UACA: variants seen among roughly 807,000 people sequenced by gnomAD.
The protein encoded by UACA is uveal autoantigen with coiled-coil domains and ankyrin repeats.
Under a neutral mutation model 160.5 loss-of-function variants are expected in UACA, and 112 were observed. The ratio of observed to expected loss-of-function variants is 0.70; its 90% CI spans 0.60 to 0.82. UACA has a LOEUF of 0.82. UACA is among the 40% of genes least tolerant of loss of function. UACA has a pLI of 0.00. For synonymous variants in UACA, 557 were observed against 568.4 expected (o/e 0.98, Z 0.29); for missense variants, 1,574 against 1,614.6 (o/e 0.97, Z 0.43).
At chr15:70,744,248 CAAAA>C (rs5813608) in intron 1 of UACA, among the ~76,000 whole-genome samples, 2 of 64,734 alleles carry the variant, frequency 3.1e-5, no homozygotes, top group South Asian at 6.4e-4. Flanking sequence ...GACTCTGTCT[CAAAA>C]AAAAAAAAAA....
chr15:70,725,593 T>G (rs1274573129), intron 1 of UACA, among the ~76,000 whole-genome samples: 3 of 152,204 alleles, frequency 2.0e-5, no homozygotes, highest in African/African-American at 4.8e-5. Flanking sequence ...CCTTCTAACC[T>G]TAAGGAGGAC....
Position 70,668,282 on chromosome 15 carries a change from G to C in UACA, c.2402C>G (p.Thr801Ser), listed in dbSNP as rs1411541636. The change falls in exon 16 of 19, where the codon ACT (threonine) becomes AGT (serine). Residue 801 changes from threonine (T) to serine (S), a missense_variant. Thr to Ser is a moderately conservative substitution (Grantham distance 58). Coordinates refer to ENST00000322954, the MANE Select transcript of UACA (RefSeq NM_018003.4). ...ATGTTTCTCAGGAGGTACAAACACA[G>C]TTTCTAGGCGGCTTACATCCTTACT... ...SLSKDVSRLE[T>S]VFVPPEKHEK... 6.2e-7 allele frequency: 1 copy of C among 1,613,478 alleles called. No homozygotes were observed. Among genetic ancestry groups the C allele is most frequent in the Middle Eastern group, 1.7e-4 (1 of 6,054 alleles).
intron 15 of UACA, among the ~76,000 whole-genome samples, chr15:70,669,720 G>A (rs1012844924): frequency 2.6e-5 from 4 of 152,158 alleles, no homozygotes; most frequent in African/African-American, 9.7e-5. Flanking sequence ...AACGGACAAT[G>A]GCCATGGCTA....
At position 70,691,367 on chromosome 15, in the gene UACA, T is replaced by C. The variant is rs755680363; in HGVS notation, c.302-4A>G. On this transcript the variant is annotated splice_polypyrimidine_tract_variant and splice_region_variant and intron_variant, in intron 3 of 18. Coordinates refer to ENST00000322954, the MANE Select transcript of UACA (RefSeq NM_018003.4). ...GCCAGGTGAAGAGCATTTCTCCCTA[T>C]AAATAATTTAAGATACATGTGAAGG... 3.7e-6 allele frequency: 6 copies of C among 1,600,046 alleles called. No individual in the cohort carries two copies. In the South Asian group the frequency reaches 5.6e-5, roughly 15 times the overall value.
intron 8 of UACA, among the ~76,000 whole-genome samples, chr15:70,683,740 T>G (rs986196659): frequency 6.6e-6 from 1 of 152,032 alleles, no homozygotes; most frequent in Non-Finnish European, 1.5e-5. Context: ...TTCAATTTAA[T>G]GGGAAAAGAC....
chr15:70,672,059 T>C (rs2140912206), intron 13 of UACA, 58 bp from the exon 14 acceptor site: 5 of 1,501,014 alleles, frequency 3.3e-6, no homozygotes, highest in Non-Finnish European at 3.6e-6. Context: ...TGTTAAATTC[T>C]GTATCTATTT....
intron 13 of UACA, 124 bp from the exon 14 acceptor site, chr15:70,672,125 G>T: frequency 2.6e-6 from 2 of 762,914 alleles, no homozygotes; most frequent in Non-Finnish European, 3.9e-6. Flanking sequence ...TGTTTCTCCA[G>T]AGCATTATTC....
rs151082439 is a variant in UACA at position 70,667,486 on chromosome 15, G to A, written c.3198C>T (p.Asp1066=). The change falls in exon 16 of 19, where the codon GAC becomes GAT. Residue 1066 remains aspartate, a synonymous_variant. Coordinates refer to ENST00000322954, the MANE Select transcript of UACA (RefSeq NM_018003.4). ...EMERALSRKT[D]ELNKQLKDLS... ...AGTCTTTTAACTGTTTGTTTAGCTC[G>A]TCTGTTTTTCTGCTTAATGCTCTTT... The A allele has an allele frequency of 3.2e-4, 509 of 1,611,060 alleles. 2 individuals carry two copies. The highest frequency in any genetic ancestry group is 4.2e-4 in the Admixed American group (25 of 59,660).
chr15:70,711,247 A>C (rs992144242), intron 1 of UACA, among the ~76,000 whole-genome samples: 1 of 152,054 alleles, frequency 6.6e-6, no homozygotes, highest in Non-Finnish European at 1.5e-5. Context: ...GAATCCATAA[A>C]CCCCCAAAAT....
rs148835698 is a variant in UACA, at chr15:70,678,647, A to G, written c.892-441T>C. On this transcript the variant is annotated intron_variant, in intron 10 of 18. Transcript: ENST00000322954. ...AGGACATAGTTCATTTTCTTACACT[A>G]CATAGTAAACTAAGAAAACCCAAAT... Among the ~76,000 whole-genome samples, 11 of 152,252 alleles carry G rather than the reference A, an allele frequency of 7.2e-5. No individual in the cohort carries two copies. The East Asian group carries it at 1.7e-3, about 24-fold the overall frequency.
Position 70,667,607 on chromosome 15 carries a change from T to C in UACA, c.3077A>G (p.Asn1026Ser), listed in dbSNP as rs977702702. Residue 1026 changes from asparagine to serine, a missense_variant, in exon 16 of 19, where the codon AAC becomes AGC. Asn to Ser is a conservative substitution (Grantham distance 46, BLOSUM62 1). Coordinates refer to ENST00000322954, the MANE Select transcript of UACA (RefSeq NM_018003.4). The part of the protein sequence containing the change: ...YSVSEEEVKK[N>S]KQENDKLKKE... Reference sequence around the variant, plus strand: ...CTTTAACTTGTCATTCTCTTGCTTGTTTTTCTTGACTTCTTCTTCACTGAC... The same window carrying C: ...CTTTAACTTGTCATTCTCTTGCTTGCTTTTCTTGACTTCTTCTTCACTGAC... 7 of 1,612,848 alleles carry C rather than the reference T, an allele frequency of 4.3e-6. No individual in the cohort carries two copies. Among genetic ancestry groups the C allele is most frequent in the South Asian group, 1.1e-5 (1 of 91,018 alleles).
At chr15:70,687,343 T>C (rs1411416354) in intron 7 of UACA, among the ~76,000 whole-genome samples, 197 bp downstream of exon 7, 1 of 152,168 alleles carries the variant, frequency 6.6e-6, no homozygotes, top group African/African-American at 2.4e-5. Flanking sequence ...TCTTCCTCTA[T>C]TTCCCTCTCC....
intron 16 of UACA, among the ~76,000 whole-genome samples, chr15:70,665,850 A>G (rs763482342): frequency 4.6e-5 from 7 of 152,224 alleles, no homozygotes; most frequent in Non-Finnish European, 7.3e-5. Context: ...TCCCCAGCAC[A>G]TGACATGCAG....
At chr15:70,705,184 ATATT>A (rs1393953031) in intron 1 of UACA, among the ~76,000 whole-genome samples, 1 of 152,082 alleles carries the variant, frequency 6.6e-6, no homozygotes, top group Non-Finnish European at 1.5e-5. Flanking sequence ...TTCTCAAGGC[ATATT>A]TAGTTTGCTT....
rs143220817 is a variant in UACA at position 70,657,085 on chromosome 15, T to C, written c.4222A>G (p.Ile1408Val). 6.3e-5 allele frequency: 102 copies of C among 1,614,062 alleles called. No individual in the cohort carries two copies. The highest frequency in any genetic ancestry group is 1.6e-4 in the Middle Eastern group (1 of 6,082). The change falls in exon 19 of 19, where the codon ATA (isoleucine) becomes GTA (valine). Residue 1408 changes from isoleucine (I) to valine (V), a missense_variant. By Grantham distance (29) the Ile-to-Val change is conservative. Coordinates refer to ENST00000322954, the MANE Select transcript of UACA (RefSeq NM_018003.4). ...CACACAAGCCCCTGCCGCATTTGTA[T>C]GATCTGGAGCAGAGCCTCCTGAACA... ...EDVQEALLQI[I>V]QMRQGLVC
chr15:70,666,379 T>A (rs1191602863), intron 16 of UACA, among the ~76,000 whole-genome samples: 1 of 152,160 alleles, frequency 6.6e-6, no homozygotes, highest in Non-Finnish European at 1.5e-5. Context: ...TGTTCTTGGT[T>A]TCTTGCAGCC....
intron 2 of UACA, 125 bp from the exon 3 acceptor site, chr15:70,695,230 A>G (rs1898087809): frequency 1.8e-6 from 1 of 559,662 alleles, no homozygotes; most frequent in African/African-American, 2.0e-5. Context: ...TTTAAAGGCT[A>G]CATTAGAACA....
At chr15:70,720,093 T>A (rs1369600770) in intron 1 of UACA, among the ~76,000 whole-genome samples, 1 of 152,100 alleles carries the variant, frequency 6.6e-6, no homozygotes, top group Non-Finnish European at 1.5e-5. Flanking sequence ...GAGATCTGGT[T>A]GTTTAAAGCA....
intron 1 of UACA, chr15:70,754,130 A>G (rs2030264510): frequency 4.4e-6 from 2 of 455,870 alleles, no homozygotes; most frequent in Non-Finnish European, 8.8e-6. Flanking sequence ...TACAATGAAC[A>G]TGTATGACTT....
Sources: allele counts gnomAD v4.1 joint callset (sites outside exome capture counted in the v4.1 genomes callset), GRCh38; gene constraint gnomAD v4.1.1; transcripts MANE v1.5; gene names NCBI Gene and HGNC (gene_info 2026-07-23, HGNC 2026-07-21).